The following ELAPOR2 variants were observed in gnomAD, a reference collection of about 807,000 sequenced individuals.
ELAPOR2 encodes the protein endosome-lysosome associated apoptosis and autophagy regulator family member 2.
Under a neutral mutation model 120.7 loss-of-function variants are expected in ELAPOR2, and 89 were observed. The ratio of observed to expected loss-of-function variants is 0.74; its 90% confidence interval spans 0.62 to 0.88. The LOEUF is 0.88. Among genes scored for constraint, ELAPOR2 ranks in the 40% least tolerant of loss-of-function variants. The pLI is 0.00. For synonymous variants in ELAPOR2, 444 were observed against 444.9 expected, an observed-to-expected ratio of 1.00 and a Z score of 0.03; for missense variants, 1,134 against 1,251.6, an observed-to-expected ratio of 0.91 and a Z score of 1.42.
intron 1 of ELAPOR2, among the ~76,000 whole-genome samples, chr7:86,990,284 A>G (rs1421041492): frequency 6.6e-6 from 1 of 151,986 alleles, no homozygotes; most frequent in Admixed American, 6.6e-5. Context: ...TCCCGACCTC[A>G]TGATCTGCCT....
chr7:87,055,311 C>T (rs1482122674), intron 1 of ELAPOR2, among the ~76,000 whole-genome samples: 1 of 152,162 alleles, frequency 6.6e-6, no homozygotes, highest in Non-Finnish European at 1.5e-5. Flanking sequence ...CCTCTGCATC[C>T]ACTCACTGCC....
intron 1 of ELAPOR2, among the ~76,000 whole-genome samples, chr7:86,968,045 G>C (rs1190320702): frequency 6.6e-6 from 1 of 152,102 alleles, no homozygotes; most frequent in Non-Finnish European, 1.5e-5. Flanking sequence ...AAAAAAATCT[G>C]CTTCTAAAGT....
Position 86,945,008 on chromosome 7 carries a change from T to C in ELAPOR2, c.545A>G (p.Asn182Ser). The part of the protein sequence containing the change: ...WIPRGNYIES[N>S]RDDCTVSLIY... ...CAAAGACACCGTGCAGTCATCACGA[T>C]TAGATTCTATGTAGTTTCCACGAGG... Residue 182 changes from asparagine (N) to serine (S), a missense_variant, in exon 4 of 22, where the codon AAT (asparagine) becomes AGT (serine). Transcript: ENST00000450689. 6.4e-7 allele frequency: 1 copy of C among 1,550,568 alleles called. No individual in the cohort carries two copies. The highest frequency in any genetic ancestry group is 1.2e-5 in the South Asian group (1 of 83,780).
At chr7:87,003,764 C>T (rs1025145314) in intron 1 of ELAPOR2, among the ~76,000 whole-genome samples, 2 of 152,254 alleles carry the variant, frequency 1.3e-5, no homozygotes, top group Middle Eastern at 3.4e-3. Context: ...CACAAGAGTG[C>T]CTGAAAGCTT....
intron 6 of ELAPOR2, among the ~76,000 whole-genome samples, 197 bp from the exon 7 acceptor site, chr7:86,939,157 A>G (rs1790696474): frequency 6.6e-6 from 1 of 152,138 alleles, no homozygotes; most frequent in Non-Finnish European, 1.5e-5. Flanking sequence ...CAGCAAACAA[A>G]TAAGAGATGA....
chr7:86,939,990 A>G lies in ELAPOR2; in HGVS notation c.847+20T>C. ...GTAAGATGTGACTGGTGACTACTAA[A>G]ACAGAATGCCATGAAATACCTTCAA... is the stretch of plus-strand genomic sequence containing the variant. On this transcript the variant is annotated intron_variant, in intron 6 of 21. Coordinates refer to ENST00000450689, the MANE Select transcript of ELAPOR2 (RefSeq NM_001142749.3). The G allele has an allele frequency of 6.6e-7, 1 of 1,519,180 alleles. No individual in the cohort carries two copies. The highest frequency in any genetic ancestry group is 9.1e-7 in the Non-Finnish European group (1 of 1,101,150). 94.1% of individuals were successfully genotyped at this position (1,519,180 alleles called of 1,614,324 possible).
chr7:86,998,689 C>G (rs1793206805), intron 1 of ELAPOR2, among the ~76,000 whole-genome samples: 1 of 152,174 alleles, frequency 6.6e-6, no homozygotes. Flanking sequence ...GGAGCATCCT[C>G]CGAGTTGAGA....
chr7:87,047,796 C>T (rs1014108395), intron 1 of ELAPOR2, among the ~76,000 whole-genome samples: 3 of 152,202 alleles, frequency 2.0e-5, no homozygotes, highest in African/African-American at 7.2e-5. Flanking sequence ...AGAGCTACCA[C>T]ATAAACCAGC....
At chr7:86,960,618 T>C (rs1791665793) in intron 2 of ELAPOR2, among the ~76,000 whole-genome samples, 1 of 152,200 alleles carries the variant, frequency 6.6e-6, no homozygotes, top group South Asian at 2.1e-4. Context: ...TATTTAATTC[T>C]CCTACTATTA....
At chr7:86,946,891 A>G (rs1204300251) in intron 3 of ELAPOR2, among the ~76,000 whole-genome samples, 1 of 152,202 alleles carries the variant, frequency 6.6e-6, no homozygotes, top group Non-Finnish European at 1.5e-5. Context: ...CTTAAAACAC[A>G]CACTCTCTCA....
chr7:86,949,216 T>C (rs113044365), intron 2 of ELAPOR2, among the ~76,000 whole-genome samples: 96 of 152,340 alleles, frequency 6.3e-4, no homozygotes, highest in East Asian at 5.0e-3. Context: ...GCTGGCTACA[T>C]AGTCAAAACT....
At chr7:86,926,135 T>A (rs1028025178) in intron 9 of ELAPOR2, among the ~76,000 whole-genome samples, 2 of 152,010 alleles carry the variant, frequency 1.3e-5, no homozygotes, top group Non-Finnish European at 2.9e-5. Context: ...AAATATTGAC[T>A]ATGTTGAGAA....
chr7:86,927,429 G>A (rs1404408306), intron 8 of ELAPOR2, among the ~76,000 whole-genome samples: 1 of 151,882 alleles, frequency 6.6e-6, no homozygotes, highest in African/African-American at 2.4e-5. Context: ...GTGGTTCTCG[G>A]AGTCTTTTTC....
intron 1 of ELAPOR2, among the ~76,000 whole-genome samples, chr7:87,010,410 TA>T (rs1412646649): frequency 1.3e-5 from 2 of 152,222 alleles, no homozygotes; most frequent in Non-Finnish European, 2.9e-5. Flanking sequence ...ACTAAAATTA[TA>T]GGCTACATAG....
At chr7:86,925,402 C>T (rs995430368) in intron 10 of ELAPOR2, 126 bp downstream of exon 10, 1 of 904,382 alleles carries the variant, frequency 1.1e-6, no homozygotes, top group South Asian at 1.7e-5. Context: ...AGAAGATGGG[C>T]AAGCAGCCAA....
At chr7:86,985,105 G>GAC (rs1433064764) in intron 1 of ELAPOR2, among the ~76,000 whole-genome samples, 1 of 152,008 alleles carries the variant, frequency 6.6e-6, no homozygotes, top group Non-Finnish European at 1.5e-5. Flanking sequence ...TAAATCCCTG[G>GAC]ACACACACAC....
At chr7:86,971,158 C>T (rs1792096833) in intron 1 of ELAPOR2, among the ~76,000 whole-genome samples, 1 of 152,176 alleles carries the variant, frequency 6.6e-6, no homozygotes, top group Admixed American at 6.5e-5. Flanking sequence ...CCAACCTCAC[C>T]TCTGCCATTA....
intron 1 of ELAPOR2, among the ~76,000 whole-genome samples, chr7:87,040,922 G>A (rs1584032811): frequency 6.6e-6 from 1 of 152,124 alleles, no homozygotes; most frequent in African/African-American, 2.4e-5. Context: ...GCTTAAAGGA[G>A]CTGATGGAGC....
At chr7:86,912,852 T>A in intron 14 of ELAPOR2, 89 bp downstream of exon 14, 3 of 1,452,976 alleles carry the variant, frequency 2.1e-6, no homozygotes, top group Non-Finnish European at 2.8e-6. Context: ...AGCAACCTCA[T>A]AGCTCCCAGA....
Sources: allele counts gnomAD v4.1 joint callset (sites outside exome capture counted in the v4.1 genomes callset), GRCh38; gene constraint gnomAD v4.1.1; transcripts MANE v1.5; gene names NCBI Gene and HGNC (gene_info 2026-07-23, HGNC 2026-07-21).